The following CCDC30 variants were observed in gnomAD, a reference collection of about 807,000 sequenced individuals.
CCDC30 encodes the protein coiled-coil domain-containing protein 30.
A neutral mutation model predicts 100.2 loss-of-function variants in CCDC30; 70 were observed. The observed-to-expected ratio is 0.70, with a 90% CI of 0.58 to 0.85. The LOEUF (loss-of-function observed/expected upper bound fraction) is 0.85. CCDC30 is among the 40% of genes least tolerant of loss of function. The probability of loss-of-function intolerance (pLI) is 0.00; values close to 1 mark genes in which losing one functional copy is unlikely to be tolerated. For synonymous variants in CCDC30, 233 were observed against 269.5 expected (o/e 0.86, Z 1.33); for missense variants, 652 against 771.2 (o/e 0.85, Z 1.83).
At position 42,557,517 on chromosome 1, in the gene CCDC30, A is replaced by G. The variant is rs867433353; in HGVS notation, c.457-8779A>G. Among the ~76,000 whole-genome samples the G allele has an allele frequency of 9.2e-5, 14 of 152,056 alleles. No homozygotes were observed. The South Asian group carries it at 2.7e-3, about 29-fold the overall frequency. Reference sequence around the variant, plus strand: ...TTTCTTAGCCAGTAGTCTTCACTCTATTGCCACAATAGGAATGAACTTGCC... The same window carrying G: ...TTTCTTAGCCAGTAGTCTTCACTCTGTTGCCACAATAGGAATGAACTTGCC... On this transcript the variant is annotated intron_variant, in intron 6 of 16. Coordinates refer to ENST00000668663, the Ensembl canonical transcript of CCDC30.
intron 7 of CCDC30, among the ~76,000 whole-genome samples, chr1:42,571,937 ATTCT>A (rs1231062854): frequency 6.6e-6 from 1 of 152,230 alleles, no homozygotes; most frequent in Non-Finnish European, 1.5e-5. Flanking sequence ...TGAATTTCAG[ATTCT>A]TTCTTGAGTA....
rs1339188106 is a variant in CCDC30, at chr1:42,506,241, G to A, written c.456+7325G>A. On this transcript the variant is annotated intron_variant, in intron 6 of 16. Coordinates refer to ENST00000668663, the Ensembl canonical transcript of CCDC30. ...TCAGACTTCTTTTAGTGTAGTTCATGCAGTTATCTCCTGTTTGATATTCAT... is the reference window on the plus strand; with the variant it reads ...TCAGACTTCTTTTAGTGTAGTTCATACAGTTATCTCCTGTTTGATATTCAT... Among the ~76,000 whole-genome samples the A allele has an allele frequency of 2.0e-5, 3 of 152,216 alleles. No individual in the cohort carries two copies. The East Asian group carries it at 5.8e-4, about 29-fold the overall frequency.
intron 6 of CCDC30, among the ~76,000 whole-genome samples, chr1:42,517,132 G>A (rs563445400): frequency 1.8e-4 from 28 of 152,302 alleles, no homozygotes; most frequent in African/African-American, 6.0e-4. Flanking sequence ...CACTCAGGCA[G>A]GAGTGCAATG....
At chr1:42,484,375 G>A (rs1405315255) in intron 3 of CCDC30, among the ~76,000 whole-genome samples, 1 of 152,164 alleles carries the variant, frequency 6.6e-6, no homozygotes, top group African/African-American at 2.4e-5. Flanking sequence ...AACACGATGA[G>A]AAGCAATATT....
chr1:42,532,570 C>T (rs1644822247), intron 6 of CCDC30, among the ~76,000 whole-genome samples: 1 of 152,142 alleles, frequency 6.6e-6, no homozygotes, highest in African/African-American at 2.4e-5. Flanking sequence ...ATGATCTGTT[C>T]TAGGTGTCTA....
intron 11 of CCDC30, among the ~76,000 whole-genome samples, chr1:42,630,408 A>T (rs373595760): frequency 1.4e-5 from 2 of 141,938 alleles, no homozygotes; most frequent in African/African-American, 2.6e-5. Flanking sequence ...TTTCAGATGG[A>T]GTCTCGCTCT....
At chr1:42,573,223 G>A (rs1418706531) in intron 7 of CCDC30, among the ~76,000 whole-genome samples, 1 of 152,062 alleles carries the variant, frequency 6.6e-6, no homozygotes, top group Non-Finnish European at 1.5e-5. Context: ...TGAATCTATA[G>A]GTCAATTTGG....
chr1:42,521,068 G>A (rs1449755953), intron 6 of CCDC30: 3 of 150,240 alleles, frequency 2.0e-5, no homozygotes, highest in African/African-American at 7.4e-5. Context: ...CCGCCCCCCG[G>A]GTTCACGCCA....
the CCDC30 span, chr1:42,456,328 A>C: frequency 1.7e-6 from 1 of 599,222 alleles, no homozygotes; most frequent in Non-Finnish European, 2.9e-6. Context: ...ACGTGAGGGA[A>C]CGTGACCCTA....
intron 6 of CCDC30, among the ~76,000 whole-genome samples, chr1:42,541,053 G>A (rs1645001959): frequency 6.6e-6 from 1 of 152,020 alleles, no homozygotes; most frequent in Non-Finnish European, 1.5e-5. Context: ...AGTCAGTTTG[G>A]GCTGCTATAA....
chr1:42,649,958 A>G (rs890504132), intron 15 of CCDC30, among the ~76,000 whole-genome samples: 5 of 152,230 alleles, frequency 3.3e-5, no homozygotes, highest in Admixed American at 6.5e-5. Context: ...AATACGATAA[A>G]TGAAAAGATA....
At chr1:42,642,592 A>G (rs1370804522) in exon 13 of CCDC30, 11 of 1,598,556 alleles carry the variant, frequency 6.9e-6, no homozygotes, top group Admixed American at 1.7e-5. Flanking sequence ...AATGGACGAT[A>G]TCTTCCATCC....
chr1:42,539,264 TA>T (rs1644967834), intron 6 of CCDC30: 2 of 1,610,508 alleles, frequency 1.2e-6, no homozygotes, highest in African/African-American at 2.7e-5. Context: ...CATTTTTTAA[TA>T]GCATGTGACC....
intron 2 of CCDC30, among the ~76,000 whole-genome samples, chr1:42,481,216 T>C (rs772496279): frequency 2.6e-5 from 4 of 152,252 alleles, no homozygotes; most frequent in Non-Finnish European, 2.9e-5. Context: ...TCATTTGACA[T>C]GATAGCTGAT....
At chr1:42,565,240 G>A (rs1645580758) in intron 6 of CCDC30, among the ~76,000 whole-genome samples, 1 of 152,076 alleles carries the variant, frequency 6.6e-6, no homozygotes, top group African/African-American at 2.4e-5. Context: ...AATCAACAGA[G>A]TAAAAAGACA....
At chr1:42,598,768 G>T (rs1646343047) in intron 10 of CCDC30, among the ~76,000 whole-genome samples, 1 of 151,334 alleles carries the variant, frequency 6.6e-6, no homozygotes, top group African/African-American at 2.4e-5. Context: ...AAAAAAAAAA[G>T]TAAAGGTGAG....
intron 1 of CCDC30, among the ~76,000 whole-genome samples, chr1:42,476,707 T>TA (rs74765935): frequency 2.0e-3 from 287 of 146,180 alleles, no homozygotes; most frequent in African/African-American, 6.0e-3. Context: ...AAAAAAAAGA[T>TA]AAAAAAATTA....
At chr1:42,456,269 G>C in the CCDC30 span, 1 of 599,020 alleles carries the variant, frequency 1.7e-6, no homozygotes, top group Non-Finnish European at 3.0e-6. Flanking sequence ...CCGTACAGTG[G>C]CCGGTAAGGG....
intron 11 of CCDC30, among the ~76,000 whole-genome samples, chr1:42,621,936 T>G (rs1330659717): frequency 6.6e-6 from 1 of 152,102 alleles, no homozygotes; most frequent in African/African-American, 2.4e-5. Flanking sequence ...TGTGAGCCAC[T>G]GCAACTGGTC....
Sources: allele counts gnomAD v4.1 joint callset (sites outside exome capture counted in the v4.1 genomes callset), GRCh38; gene constraint gnomAD v4.1.1; transcripts MANE v1.5; gene names NCBI Gene and HGNC (gene_info 2026-07-23, HGNC 2026-07-21).